PARP8: variants seen among roughly 807,000 people sequenced by gnomAD.
PARP8 encodes the protein protein mono-ADP-ribosyltransferase PARP8.
A neutral mutation model predicts 124.1 loss-of-function variants in PARP8; 51 were observed. The observed-to-expected ratio is 0.41, with a 90% CI of 0.33 to 0.52. PARP8 has a LOEUF of 0.52. Among genes scored for constraint, PARP8 ranks in the 20% least tolerant of loss-of-function variants. The pLI is 0.21. For missense variants in PARP8, 860 were observed against 1,018.9 expected, an observed-to-expected ratio of 0.84 and a Z score of 2.12; for synonymous variants, 391 against 361.5, an observed-to-expected ratio of 1.08 and a Z score of -0.93.
Position 50,770,157 on chromosome 5 carries a change from C to A in PARP8, c.518+6915C>A, listed in dbSNP as rs565529960. 5.2e-4 allele frequency among the ~76,000 whole-genome samples: 79 copies of A among 152,234 alleles called. 1 individual carries two copies. In the South Asian group the frequency reaches 6.8e-3, roughly 13 times the overall value. On this transcript the variant is annotated intron_variant, in intron 7 of 25. Transcript: ENST00000281631. Reference sequence around the variant, plus strand: ...AATGGGTAATTTTTTCTCCTATCAACATGCTATAGTTTACTTAACTATTTC... The same window carrying A: ...AATGGGTAATTTTTTCTCCTATCAAAATGCTATAGTTTACTTAACTATTTC...
chr5:50,667,244 C>T (rs1358518616), intron 1 of PARP8, 58 bp downstream of exon 1: 1 of 1,541,920 alleles, frequency 6.5e-7, no homozygotes, highest in Non-Finnish European at 8.8e-7. Context: ...GTTTTCTGAC[C>T]GCGACGTCTG....
At chr5:50,783,829 TTC>T (rs1431117828) in intron 9 of PARP8, among the ~76,000 whole-genome samples, 1 of 152,220 alleles carries the variant, frequency 6.6e-6, no homozygotes, top group African/African-American at 2.4e-5. Context: ...AGAATTTTCC[TTC>T]TCTGTGTTGC....
At position 50,708,767 on chromosome 5, in the gene PARP8, AT is replaced by A. The variant is rs560410711; in HGVS notation, c.146+40653del. 9.8e-3 allele frequency among the ~76,000 whole-genome samples: 1,447 copies of A among 148,224 alleles called. 14 individuals carry two copies. Among genetic ancestry groups the A allele is most frequent in the African/African-American group, 0.022 (879 of 40,598 alleles). ...CACTGTGGAGACTCCTGTCTTAGGA[AT>A]TTTTTTTTTTCAATTATTGTTATTA... On this transcript the variant is annotated intron_variant, in intron 2 of 25. Transcript: ENST00000281631.
At chr5:50,784,885 T>A (rs1370113931) in intron 9 of PARP8, among the ~76,000 whole-genome samples, 1 of 152,018 alleles carries the variant, frequency 6.6e-6, no homozygotes, top group Non-Finnish European at 1.5e-5. Context: ...CTCATTATTA[T>A]CAAGAAAGTA....
chr5:50,683,282 C>T (rs1039998779), intron 2 of PARP8, among the ~76,000 whole-genome samples: 12 of 152,094 alleles, frequency 7.9e-5, no homozygotes, highest in Non-Finnish European at 1.2e-4. Context: ...TACATTTTCC[C>T]TTTGGCTATT....
At chr5:50,723,406 T>A (rs903864242) in intron 2 of PARP8, among the ~76,000 whole-genome samples, 1 of 152,100 alleles carries the variant, frequency 6.6e-6, no homozygotes, top group Non-Finnish European at 1.5e-5. Flanking sequence ...TTGGTGATGA[T>A]GATTATGATG....
intron 14 of PARP8, among the ~76,000 whole-genome samples, chr5:50,807,268 C>G (rs1743956782): frequency 6.6e-6 from 1 of 152,048 alleles, no homozygotes; most frequent in Admixed American, 6.6e-5. Flanking sequence ...TAGAAACTCC[C>G]TGCTGCTCCT....
chr5:50,800,756 A>ATT lies in PARP8; in HGVS notation c.1575+3539_1575+3540dup, dbSNP rs201684004. Among the ~76,000 whole-genome samples, 360 of 137,370 alleles carry ATT rather than the reference A, an allele frequency of 2.6e-3. 1 individual carries two copies. The highest frequency in any genetic ancestry group is 8.3e-3 in the African/African-American group (309 of 37,292). 90.1% of individuals were successfully genotyped at this position (137,370 alleles called of 152,430 possible). On this transcript the variant is annotated intron_variant, in intron 14 of 25. Coordinates refer to ENST00000281631, the MANE Select transcript of PARP8 (RefSeq NM_024615.4). ...CTGGGCCTGGAGATTTCTGTTTTAG[A>ATT]TTTTTTTTTTTTTTTTTGAAACAGG...
At chr5:50,777,799 G>A (rs71615985) in intron 7 of PARP8, among the ~76,000 whole-genome samples, 49 of 152,126 alleles carry the variant, frequency 3.2e-4, no homozygotes, top group Middle Eastern at 3.4e-3. Flanking sequence ...CACAGAAAAC[G>A]GAATATTTAA....
chr5:50,804,221 A>G (rs140591499), intron 14 of PARP8, among the ~76,000 whole-genome samples: 24 of 152,232 alleles, frequency 1.6e-4, no homozygotes, highest in Non-Finnish European at 2.4e-4. Context: ...AATGTTTTCA[A>G]TCCCCACTCC....
In PARP8 at chr5:50,712,461, G is replaced by A. The variant is rs78003544; in HGVS notation, c.147-37690G>A. On this transcript the variant is annotated intron_variant, in intron 2 of 25. Transcript: ENST00000281631. ...CTATTCAACTTCATATTGTTTTTGT[G>A]TTAATATCAGACAACATTTTATTAT... 7.5e-3 allele frequency among the ~76,000 whole-genome samples: 1,138 copies of A among 152,174 alleles called. 15 individuals are homozygous for A. The highest frequency in any genetic ancestry group is 0.026 in the African/African-American group (1,068 of 41,522).
rs1752399209 is a variant in PARP8 at position 50,690,682 on chromosome 5, C to G, written c.146+22557C>G. ...ATGTCTAAAGATCTATTCACCTAGTCCAATCCTATGCCCAGACTGATAGCA... is the reference window on the plus strand; with the variant it reads ...ATGTCTAAAGATCTATTCACCTAGTGCAATCCTATGCCCAGACTGATAGCA... On this transcript the variant is annotated intron_variant, in intron 2 of 25. Transcript: ENST00000281631. 2.0e-5 allele frequency among the ~76,000 whole-genome samples: 3 copies of G among 152,158 alleles called. No individual in the cohort carries two copies. In the South Asian group the frequency reaches 6.2e-4, roughly 32 times the overall value.
intron 11 of PARP8, 59 bp downstream of exon 11, chr5:50,794,391 A>G: frequency 6.4e-7 from 1 of 1,572,418 alleles, no homozygotes. Flanking sequence ...GATGTAGTTC[A>G]TGCTTACAGC....
chr5:50,761,074 T>G (rs1333734693), intron 5 of PARP8, among the ~76,000 whole-genome samples: 1 of 152,108 alleles, frequency 6.6e-6, no homozygotes, highest in East Asian at 1.9e-4. Context: ...TTTTGTTTGT[T>G]TTCCTTAAGA....
chr5:50,754,150 T>TATATACACACAC (rs1312947286), intron 3 of PARP8, among the ~76,000 whole-genome samples: 3 of 37,190 alleles, frequency 8.1e-5, no homozygotes, highest in African/African-American at 3.7e-4. Flanking sequence ...TATATATATA[T>TATATACACACAC]ACACACACAC....
chr5:50,696,316 T>G (rs2149468389), intron 2 of PARP8, among the ~76,000 whole-genome samples: 1 of 152,290 alleles, frequency 6.6e-6, no homozygotes, highest in African/African-American at 2.4e-5. Context: ...TATGCTAAGA[T>G]TAGTGTAAAC....
At chr5:50,800,959 T>C (rs1224941302) in intron 14 of PARP8, among the ~76,000 whole-genome samples, 6 of 151,902 alleles carry the variant, frequency 3.9e-5, no homozygotes, top group Admixed American at 3.9e-4. Flanking sequence ...GGTGTCACCA[T>C]GTTGCCAAGG....
intron 4 of PARP8, 53 bp downstream of exon 4, chr5:50,759,785 T>G: frequency 6.7e-7 from 1 of 1,499,626 alleles, no homozygotes; most frequent in Non-Finnish European, 8.9e-7. Context: ...TTGCATTATC[T>G]TTTTTTGTTT....
chr5:50,829,704 T>C (rs1320290917), intron 21 of PARP8, among the ~76,000 whole-genome samples, 188 bp from the exon 22 acceptor site: 1 of 152,154 alleles, frequency 6.6e-6, no homozygotes, highest in Admixed American at 6.6e-5. Flanking sequence ...TCAAGAATAT[T>C]TTTCCTCTAG....
Sources: gnomAD v4.1 joint callset for allele counts (sites outside exome capture counted in the v4.1 genomes callset) on GRCh38, gnomAD v4.1.1 for gene constraint, MANE v1.5 for transcripts, NCBI Gene and HGNC (gene_info 2026-07-23, HGNC 2026-07-21) for gene names.